The following PHACTR1 variants were observed in gnomAD, a reference collection of about 807,000 sequenced individuals.
The protein encoded by PHACTR1 is phosphatase and actin regulator 1, also known as RPEL repeat containing 1.
PHACTR1 carries 16 observed loss-of-function variants against 69.2 expected under a neutral mutation model. The observed-to-expected ratio is 0.23, with a 90% CI of 0.16 to 0.35. The LOEUF is 0.35. PHACTR1 is among the 10% of genes least tolerant of loss of function. The probability of loss-of-function intolerance (pLI) is 1.00; values close to 1 mark genes in which losing one functional copy is unlikely to be tolerated. For synonymous variants in PHACTR1, 312 were observed against 284.5 expected, an observed-to-expected ratio of 1.10 and a Z score of -0.97; for missense variants, 510 against 734.7, an observed-to-expected ratio of 0.69 and a Z score of 3.54.
intron 6 of PHACTR1, among the ~76,000 whole-genome samples, chr6:13,165,889 A>G (rs1671870053): frequency 7.1e-6 from 1 of 140,870 alleles, no homozygotes; most frequent in South Asian, 2.1e-4. Flanking sequence ...CTTCTCTCTC[A>G]TTACCCTGTA....
At chr6:13,138,728 C>T (rs1026981178) in intron 5 of PHACTR1, among the ~76,000 whole-genome samples, 5 of 152,178 alleles carry the variant, frequency 3.3e-5, no homozygotes, top group African/African-American at 9.7e-5. Context: ...GTCAGAGGCA[C>T]CTTGGCCCAG....
chr6:13,063,678 G>T (rs1236411332), intron 5 of PHACTR1, among the ~76,000 whole-genome samples: 1 of 152,072 alleles, frequency 6.6e-6, no homozygotes, highest in Non-Finnish European at 1.5e-5. Flanking sequence ...TGCTGGGGAG[G>T]CTAAGGTGGG....
At chr6:13,131,230 C>T (rs1437627408) in intron 5 of PHACTR1, among the ~76,000 whole-genome samples, 73 of 89,690 alleles carry the variant, frequency 8.1e-4, no homozygotes, top group African/African-American at 2.1e-3. Context: ...CACACACACA[C>T]ACACACACAC....
intron 5 of PHACTR1, among the ~76,000 whole-genome samples, chr6:13,146,088 T>G (rs1823306339): frequency 6.6e-6 from 1 of 152,194 alleles, no homozygotes; most frequent in Non-Finnish European, 1.5e-5. Flanking sequence ...TCCCATGGCT[T>G]GGGTTCAAGT....
At chr6:12,788,439 G>A (rs1235881510) in intron 4 of PHACTR1, among the ~76,000 whole-genome samples, 1 of 152,144 alleles carries the variant, frequency 6.6e-6, no homozygotes, top group Non-Finnish European at 1.5e-5. Flanking sequence ...CATAGGTGAT[G>A]GAGAGGAACG....
intron 5 of PHACTR1, among the ~76,000 whole-genome samples, chr6:13,142,912 CT>C (rs1822722660): frequency 6.6e-6 from 1 of 151,712 alleles, no homozygotes; most frequent in Non-Finnish European, 1.5e-5. Flanking sequence ...CAAAAGAAAA[CT>C]TTAGGCCCAG....
At chr6:13,043,164 C>T (rs893356870) in intron 4 of PHACTR1, among the ~76,000 whole-genome samples, 2 of 152,182 alleles carry the variant, frequency 1.3e-5, no homozygotes, top group Non-Finnish European at 2.9e-5. Flanking sequence ...TGGTGGCTCA[C>T]GCCTGTAATC....
At chr6:13,043,453 C>T (rs1561740141) in intron 4 of PHACTR1, among the ~76,000 whole-genome samples, 1 of 151,388 alleles carries the variant, frequency 6.6e-6, no homozygotes, top group South Asian at 2.1e-4. Flanking sequence ...TGGGGGGTGG[C>T]GCTGGGGAGG....
intron 4 of PHACTR1, among the ~76,000 whole-genome samples, chr6:12,928,618 C>CCCAT (rs1170979613): frequency 7.5e-5 from 9 of 119,756 alleles, no homozygotes; most frequent in East Asian, 2.7e-4. Flanking sequence ...CACCCACCCA[C>CCCAT]CCATCCATCC....
intron 8 of PHACTR1, among the ~76,000 whole-genome samples, chr6:13,221,104 T>C (rs1768540566): frequency 6.6e-6 from 1 of 152,110 alleles, no homozygotes; most frequent in Non-Finnish European, 1.5e-5. Flanking sequence ...CCCTGAAAGA[T>C]AGGCAGGATG....
chr6:12,812,727 G>T (rs1775164167), intron 4 of PHACTR1, among the ~76,000 whole-genome samples: 1 of 152,162 alleles, frequency 6.6e-6, no homozygotes, highest in South Asian at 2.1e-4. Context: ...TTTCAGAGTA[G>T]GCCAAACAGA....
chr6:12,951,813 T>C (rs1257026875), intron 4 of PHACTR1, among the ~76,000 whole-genome samples: 1 of 152,190 alleles, frequency 6.6e-6, no homozygotes, highest in Non-Finnish European at 1.5e-5. Flanking sequence ...ATGATGCTGT[T>C]TAAGTAGGTG....
At chr6:12,774,925 C>G (rs1004178526) in intron 4 of PHACTR1, among the ~76,000 whole-genome samples, 2 of 152,154 alleles carry the variant, frequency 1.3e-5, no homozygotes, top group Non-Finnish European at 2.9e-5. Flanking sequence ...CTATGAAGTT[C>G]CTGAGTCACT....
chr6:12,911,739 CA>C (rs1302804316), intron 4 of PHACTR1, among the ~76,000 whole-genome samples: 1 of 152,134 alleles, frequency 6.6e-6, no homozygotes, highest in Non-Finnish European at 1.5e-5. Context: ...TGCTATCTTT[CA>C]GGGGGTTTAT....
intron 8 of PHACTR1, among the ~76,000 whole-genome samples, chr6:13,211,571 T>A (rs1183493042): frequency 6.6e-6 from 1 of 152,204 alleles, no homozygotes; most frequent in Non-Finnish European, 1.5e-5. Context: ...TAAAGAAGTC[T>A]TTCCCTTCTC....
chr6:12,966,405 C>G (rs186270842), intron 4 of PHACTR1, among the ~76,000 whole-genome samples: 154 of 152,318 alleles, frequency 1.0e-3, no homozygotes, highest in African/African-American at 3.6e-3. Context: ...GGACATCCTG[C>G]TGATAAAGCA....
At chr6:13,193,357 G>GTATATATATATATATATATATA (rs56305254) in intron 7 of PHACTR1, among the ~76,000 whole-genome samples, 761 of 67,972 alleles carry the variant, frequency 0.011, 83 homozygotes, top group Non-Finnish European at 0.019. Context: ...AGCTCTCTGT[G>GTATATATATATATATATATATA]TATATATATA....
Position 13,206,601 on chromosome 6 carries a change from G to A in PHACTR1, c.986+465G>A, listed in dbSNP as rs536205596. Among the ~76,000 whole-genome samples the A allele has an allele frequency of 7.9e-4, 120 of 152,276 alleles. 2 individuals are homozygous for A. Among genetic ancestry groups the A allele is most frequent in the South Asian group, 6.2e-3 (30 of 4,816 alleles). On this transcript the variant is annotated intron_variant, in intron 8 of 14. Transcript: ENST00000332995. The stretch of plus-strand genomic sequence containing the variant: ...TTAAACATTGAAATAAATGTGAGCT[G>A]TACATACATTTAAGAAAGGTTAATA...
At chr6:13,045,391 T>C (rs563324082) in intron 4 of PHACTR1, among the ~76,000 whole-genome samples, 31 of 152,274 alleles carry the variant, frequency 2.0e-4, no homozygotes, top group Admixed American at 1.7e-3. Flanking sequence ...TCAATGATCA[T>C]CTTTACCGTC....
Sources: allele counts gnomAD v4.1 joint callset (sites outside exome capture counted in the v4.1 genomes callset), GRCh38; gene constraint gnomAD v4.1.1; transcripts MANE v1.5; gene names NCBI Gene and HGNC (gene_info 2026-07-23, HGNC 2026-07-21).